Variants in GNAI1 observed in about 807,000 individuals in gnomAD.
The protein encoded by GNAI1 is G protein subunit alpha i1, also known as guanine nucleotide-binding protein G(i) subunit alpha-1.
GNAI1 carries 11 observed loss-of-function variants against 38.9 expected under a neutral mutation model. The ratio of observed to expected loss-of-function variants is 0.28; its 90% CI spans 0.18 to 0.47. The LOEUF (loss-of-function observed/expected upper bound fraction) is 0.47, where lower values mean the gene tolerates loss of function less well. Ranked by LOEUF, GNAI1 falls within the 20% of genes least tolerant of loss-of-function variation. The pLI is 0.99. For synonymous variants in GNAI1, 166 were observed against 145.1 expected, an observed-to-expected ratio of 1.14 and a Z score of -1.04; for missense variants, 317 against 436.9, an observed-to-expected ratio of 0.73 and a Z score of 2.45.
chr7:80,160,708 T>TG (rs1787909446), intron 1 of GNAI1, among the ~76,000 whole-genome samples: 1 of 152,224 alleles, frequency 6.6e-6, no homozygotes, highest in South Asian at 2.1e-4. Context: ...GAATTGTTGA[T>TG]GTAGTCCATT....
intron 6 of GNAI1, among the ~76,000 whole-genome samples, chr7:80,212,394 A>G (rs1788890190): frequency 6.6e-6 from 1 of 152,232 alleles, no homozygotes; most frequent in African/African-American, 2.4e-5. Flanking sequence ...AATGAACTCT[A>G]TGACAATGTC....
intron 6 of GNAI1, among the ~76,000 whole-genome samples, chr7:80,211,570 C>T (rs1258375750): frequency 3.3e-5 from 5 of 152,068 alleles, no homozygotes; most frequent in Non-Finnish European, 7.4e-5. Context: ...AGGCACGTGC[C>T]ACCACACCCA....
chr7:80,176,031 C>T (rs1046291858), intron 1 of GNAI1, among the ~76,000 whole-genome samples: 4 of 152,158 alleles, frequency 2.6e-5, no homozygotes, highest in African/African-American at 9.7e-5. Flanking sequence ...GCTGTTGCAC[C>T]TGAGATAGGC....
chr7:80,174,154 T>A (rs145855799), intron 1 of GNAI1, among the ~76,000 whole-genome samples: 5 of 152,298 alleles, frequency 3.3e-5, no homozygotes, highest in African/African-American at 1.2e-4. Flanking sequence ...TTATTCAACT[T>A]AAATCATAGA....
intron 1 of GNAI1, chr7:80,187,342 A>G (rs529251149): frequency 3.9e-5 from 6 of 152,096 alleles, no homozygotes; most frequent in Admixed American, 2.6e-4. Flanking sequence ...ATTCAAGTAC[A>G]TTTCTGGTTG....
At chr7:80,149,009 T>G (rs913128325) in intron 1 of GNAI1, among the ~76,000 whole-genome samples, 2 of 152,104 alleles carry the variant, frequency 1.3e-5, no homozygotes, top group Non-Finnish European at 2.9e-5. Context: ...TTGCTTTCTT[T>G]TGTTCTAGTA....
intron 1 of GNAI1, among the ~76,000 whole-genome samples, chr7:80,171,415 C>G (rs547866197): frequency 6.6e-6 from 1 of 152,266 alleles, no homozygotes; most frequent in South Asian, 2.1e-4. Context: ...CTGGCAAAGA[C>G]AGCTGACGAA....
At chr7:80,171,287 A>T (rs945049341) in intron 1 of GNAI1, among the ~76,000 whole-genome samples, 24 of 148,832 alleles carry the variant, frequency 1.6e-4, no homozygotes, top group African/African-American at 5.6e-4. Context: ...TTTCCTCAAG[A>T]TTTTTTTCTA....
At chr7:80,211,805 T>G (rs186486586) in intron 6 of GNAI1, among the ~76,000 whole-genome samples, 20 of 152,342 alleles carry the variant, frequency 1.3e-4, no homozygotes, top group Admixed American at 1.2e-3. Flanking sequence ...GGGGAAATGT[T>G]TTTAAATAGA....
chr7:80,195,755 A>G (rs146995326), intron 3 of GNAI1, among the ~76,000 whole-genome samples: 225 of 152,060 alleles, frequency 1.5e-3, no homozygotes, highest in African/African-American at 4.8e-3. Context: ...CATAAATTCT[A>G]TCTGCTGTAT....
intron 4 of GNAI1, among the ~76,000 whole-genome samples, chr7:80,202,957 G>A (rs1233593436): frequency 6.6e-6 from 1 of 152,094 alleles, no homozygotes; most frequent in East Asian, 1.9e-4. Flanking sequence ...CGCTATCCAT[G>A]AATCCTTCTT....
At position 80,189,091 on chromosome 7, in the gene GNAI1, A is replaced by G; in HGVS notation, c.163A>G (p.Ile55Val). 6.2e-7 allele frequency: 1 copy of G among 1,606,348 alleles called. No homozygotes were observed. Among genetic ancestry groups the G allele is most frequent in the Non-Finnish European group, 8.5e-7 (1 of 1,175,880 alleles). Residue 55 changes from isoleucine to valine, a missense_variant and splice_region_variant, in exon 3 of 8, where the codon ATT becomes GTT. Ile to Val is a conservative substitution (Grantham distance 29, BLOSUM62 3). Coordinates refer to ENST00000649796, the MANE Select transcript of GNAI1 (RefSeq NM_002069.6). ...TTTTTTTCCCTTTTGTCTCATTAGA[A>G]TTATCCATGAAGCTGGTTATTCAGA... ...GKSTIVKQMK[I>V]IHEAGYSEEE... is the part of the protein sequence containing the mutation.
At chr7:80,152,941 A>T (rs1326822317) in intron 1 of GNAI1, among the ~76,000 whole-genome samples, 7 of 152,226 alleles carry the variant, frequency 4.6e-5, no homozygotes, top group African/African-American at 1.7e-4. Flanking sequence ...AGTGAAATTT[A>T]TTAAAAAAAA....
In GNAI1 at chr7:80,168,380, TTTTA is replaced by T. The variant is rs368253290; in HGVS notation, c.119-20551_119-20548del. The stretch of plus-strand genomic sequence containing the variant: ...TACATAATATTCACCATTTTAATTA[TTTTA>T]TTTATTTATTTATTTATTTTTGAGA... On this transcript the variant is annotated intron_variant, in intron 1 of 7. Coordinates refer to ENST00000649796, the MANE Select transcript of GNAI1 (RefSeq NM_002069.6). 1.5e-3 allele frequency among the ~76,000 whole-genome samples: 235 copies of T among 152,146 alleles called. 4 individuals carry two copies. In the East Asian group the frequency reaches 0.038, roughly 24 times the overall value.
At chr7:80,182,293 ATGC>A (rs1359203677) in intron 1 of GNAI1, among the ~76,000 whole-genome samples, 9 of 152,164 alleles carry the variant, frequency 5.9e-5, no homozygotes, top group African/African-American at 2.2e-4. Flanking sequence ...ATTGTGAATA[ATGC>A]TGCAGTGAAC....
At chr7:80,200,892 A>G (rs2115675332) in intron 4 of GNAI1, among the ~76,000 whole-genome samples, 1 of 152,204 alleles carries the variant, frequency 6.6e-6, no homozygotes, top group Non-Finnish European at 1.5e-5. Context: ...TCCTTGACCC[A>G]CTGAGTTGGT....
intron 1 of GNAI1, chr7:80,186,945 G>C (rs1413143246): frequency 6.6e-6 from 1 of 152,112 alleles, no homozygotes; most frequent in Middle Eastern, 3.2e-3. Flanking sequence ...AATAAATAAT[G>C]GGTTGTTTAT....
rs975655648 is a variant in GNAI1 at position 80,224,100 on chromosome 7, T to C, written c.*6607T>C. 6.6e-5 allele frequency among the ~76,000 whole-genome samples: 10 copies of C among 152,214 alleles called. No individual in the cohort carries two copies. Among genetic ancestry groups the C allele is most frequent in the Non-Finnish European group, 1.5e-4 (10 of 68,038 alleles). Reference sequence around the variant, plus strand: ...CAAGACCTTGAAAAATGTACTCATATAGTAAGATTTACTCAAAACCACGAA... The same window carrying C: ...CAAGACCTTGAAAAATGTACTCATACAGTAAGATTTACTCAAAACCACGAA... On this transcript the variant is annotated 3_prime_UTR_variant, in exon 8 of 8. Coordinates refer to ENST00000649796, the MANE Select transcript of GNAI1 (RefSeq NM_002069.6).
At chr7:80,199,439 T>C in intron 4 of GNAI1, 57 bp downstream of exon 4, 1 of 1,304,878 alleles carries the variant, frequency 7.7e-7, no homozygotes, top group Non-Finnish European at 1.1e-6. Flanking sequence ...GCAAGTCAAA[T>C]ATACTTCCAA....
Sources: gnomAD v4.1 joint callset for allele counts (sites outside exome capture counted in the v4.1 genomes callset) on GRCh38, gnomAD v4.1.1 for gene constraint, MANE v1.5 for transcripts, NCBI Gene and HGNC (gene_info 2026-07-23, HGNC 2026-07-21) for gene names.